DNAH10: variants seen among roughly 807,000 people sequenced by gnomAD.
DNAH10 encodes axonemal beta dynein heavy chain 10.
In DNAH10, 348 loss-of-function variants were observed where a neutral mutation model predicts 506.6. That is an observed-to-expected ratio of 0.69 (90% CI 0.63 to 0.75). The LOEUF is 0.75. Among genes scored for constraint, DNAH10 ranks in the 30% least tolerant of loss-of-function variants. The pLI, the probability that DNAH10 is intolerant of heterozygous loss-of-function variation, is 0.00. For synonymous variants in DNAH10, 2,059 were observed against 2,198.6 expected (o/e 0.94, Z 1.78); for missense variants, 5,179 against 5,787.1 (o/e 0.89, Z 3.41).
intron 11 of DNAH10, among the ~76,000 whole-genome samples, chr12:123,793,497 C>T (rs943813864): frequency 6.6e-6 from 1 of 152,090 alleles, no homozygotes; most frequent in South Asian, 2.1e-4. Context: ...CACCACCATG[C>T]CCGGCTAATT....
intron 5 of DNAH10, among the ~76,000 whole-genome samples, chr12:123,776,440 A>T (rs1593986495): frequency 6.6e-6 from 1 of 152,064 alleles, no homozygotes; most frequent in African/African-American, 2.4e-5. Flanking sequence ...AAAAAAATTT[A>T]AAAAAGAATG....
At chr12:123,877,600 G>T (rs1952312009) in intron 47 of DNAH10, 136 bp from the exon 48 acceptor site, 5 of 1,223,308 alleles carry the variant, frequency 4.1e-6, no homozygotes, top group Non-Finnish European at 5.5e-6. Context: ...ACAGGCATGA[G>T]CCACCGTGAC....
intron 37 of DNAH10, among the ~76,000 whole-genome samples, chr12:123,858,666 G>A (rs114587518): frequency 9.2e-5 from 14 of 152,320 alleles, no homozygotes; most frequent in African/African-American, 3.4e-4. Flanking sequence ...TAGCCAAAAA[G>A]TGGGAACAAC....
Position 123,796,827 on chromosome 12 carries a change from C to A in DNAH10, c.2158C>A (p.Gln720Lys), listed in dbSNP as rs768334760. The A allele has an allele frequency of 2.5e-6, 4 of 1,602,924 alleles. No homozygotes were observed. Among genetic ancestry groups the A allele is most frequent in the East Asian group, 4.5e-5 (2 of 44,776 alleles). Residue 720 changes from glutamine (Q) to lysine (K), a missense_variant, in exon 13 of 79, where the codon CAG becomes AAG. Around this residue, in one of 3 missense-constraint regions of DNAH10, gnomAD observed 4,844 missense variants for 5,430.5 expected, o/e 0.89. Transcript: ENST00000673944. ...VQEILDSDRG[Q>K]EVKQKYLEVG... Reference sequence around the variant, plus strand: ...AGAGATACTGGACAGTGATCGAGGACAGGAGGTATGTTGCTCTTGCTAGAA... The same window carrying A: ...AGAGATACTGGACAGTGATCGAGGAAAGGAGGTATGTTGCTCTTGCTAGAA...
rs757900300 is a variant in DNAH10 at position 123,787,949 on chromosome 12, G to C, written c.1567G>C (p.Glu523Gln). The C allele has an allele frequency of 6.3e-7, 1 of 1,596,336 alleles. No individual in the cohort carries two copies. The highest frequency in any genetic ancestry group is 8.5e-7 in the Non-Finnish European group (1 of 1,171,536). Residue 523 changes from glutamate (E) to glutamine (Q), a missense_variant, in exon 10 of 79, where the codon GAG becomes CAG. Glu to Gln is a conservative substitution (Grantham distance 29). Around this residue, in one of 3 missense-constraint regions of DNAH10, gnomAD observed 4,844 missense variants for 5,430.5 expected, o/e 0.89. Coordinates refer to ENST00000673944, the MANE Select transcript of DNAH10 (RefSeq NM_001372106.1). This position sits in a 1 kb window ranked among gnomAD's most constrained non-coding sequence, Gnocchi z 4.6. ...RWEFDRKRLF[E>Q]RTDYMATICQ... ...GGAGTTTGACCGGAAGCGGCTGTTC[G>C]AGAGGACGGATTATATGGCCACCAT... is the stretch of plus-strand genomic sequence containing the variant.
chr12:123,900,685 C>T (rs561758304), intron 56 of DNAH10, among the ~76,000 whole-genome samples: 25 of 152,166 alleles, frequency 1.6e-4, no homozygotes, highest in Non-Finnish European at 2.9e-4. Flanking sequence ...AAAGTGGAAA[C>T]GCATTGATTC....
Position 123,924,355 on chromosome 12 carries a change from C to A in DNAH10, c.11689C>A (p.Leu3897Ile). Reference sequence around the variant, plus strand: ...TGACCAAGGATGGGAAGATATCATTCTTTTATCAGAAATGTTTTCAGACAA... The same window carrying A: ...TGACCAAGGATGGGAAGATATCATTATTTTATCAGAAATGTTTTCAGACAA... ...LSDQGWEDII[L>I]LSEMFSDNFG... Residue 3897 changes from leucine to isoleucine, a missense_variant, in exon 67 of 79, where the codon CTT becomes ATT. By Grantham distance (5) the Leu-to-Ile change is conservative. Transcript: ENST00000673944. 6.2e-7 allele frequency: 1 copy of A among 1,613,690 alleles called. No individual in the cohort carries two copies. Among genetic ancestry groups the A allele is most frequent in the Non-Finnish European group, 8.5e-7 (1 of 1,179,736 alleles).
At chr12:123,767,188 A>G (rs1427068143) in intron 1 of DNAH10, among the ~76,000 whole-genome samples, 1 of 152,154 alleles carries the variant, frequency 6.6e-6, no homozygotes, top group Non-Finnish European at 1.5e-5. Context: ...GATTACAGGC[A>G]TGAGCCACTG....
intron 30 of DNAH10, among the ~76,000 whole-genome samples, chr12:123,842,298 C>T (rs1168780081): frequency 6.6e-6 from 1 of 152,220 alleles, no homozygotes; most frequent in Non-Finnish European, 1.5e-5. Flanking sequence ...AAAATATTTA[C>T]TGAATTTCCA....
At chr12:123,782,411 C>CTTTTTTTTTTTTTTTTT (rs935250437) in intron 6 of DNAH10, among the ~76,000 whole-genome samples, 1 of 86,048 alleles carries the variant, frequency 1.2e-5, no homozygotes. Flanking sequence ...TTCTTTCTTT[C>CTTTTTTTTTTTTTTTTT]TTTTTTTTTT....
intron 51 of DNAH10, among the ~76,000 whole-genome samples, chr12:123,882,789 C>CAAAAAA (rs59295124): frequency 4.8e-5 from 3 of 62,254 alleles, no homozygotes; most frequent in African/African-American, 7.1e-5. Context: ...AAGACTCTGT[C>CAAAAAA]AAAAAAAAAA....
chr12:123,833,843 G>T (rs1208952449), intron 27 of DNAH10, among the ~76,000 whole-genome samples: 1 of 151,572 alleles, frequency 6.6e-6, no homozygotes, highest in Non-Finnish European at 1.5e-5. Context: ...ATCTGTTTTT[G>T]CAGCCTCTTT....
At position 123,804,656 on chromosome 12, in the gene DNAH10, G is replaced by A. The variant is rs563575555; in HGVS notation, c.2780-177G>A. On this transcript the variant is annotated intron_variant, in intron 17 of 78. Coordinates refer to ENST00000673944, the MANE Select transcript of DNAH10 (RefSeq NM_001372106.1). Reference sequence around the variant, plus strand: ...AAAAGCCACTAGATGTGCGTAACTGGTTGTCATTTATTTGTTGCTTAGTGT... The same window carrying A: ...AAAAGCCACTAGATGTGCGTAACTGATTGTCATTTATTTGTTGCTTAGTGT... 1.1e-4 allele frequency among the ~76,000 whole-genome samples: 17 copies of A among 152,262 alleles called. No individual in the cohort carries two copies. In the South Asian group the frequency reaches 3.5e-3, roughly 32 times the overall value.
At chr12:123,776,280 G>A (rs905253204) in intron 5 of DNAH10, among the ~76,000 whole-genome samples, 5 of 152,106 alleles carry the variant, frequency 3.3e-5, no homozygotes, top group Admixed American at 1.3e-4. Context: ...GCTAATGACC[G>A]GGATCTGGAG....
chr12:123,873,116 T>C (rs1013050944), intron 45 of DNAH10, among the ~76,000 whole-genome samples: 1 of 152,206 alleles, frequency 6.6e-6, no homozygotes, highest in Non-Finnish European at 1.5e-5. Context: ...TGATTTATGT[T>C]TGAATATTGT....
At position 123,841,371 on chromosome 12, in the gene DNAH10, A is replaced by G; in HGVS notation, c.5186A>G (p.Glu1729Gly). ...AGGTTTAATGACGGCGATAGTGGAG[A>G]AAAACTGGTGTCCGCGATGATTTCA... ...SLRFNDGDSG[E>G]KLVSAMISAE... The change falls in exon 30 of 79, where the codon GAA becomes GGA. Residue 1729 changes from glutamate (E) to glycine (G), a missense_variant. Physicochemically the swap from Glu to Gly is moderately conservative, Grantham distance 98 (BLOSUM62 -2). Coordinates refer to ENST00000673944, the MANE Select transcript of DNAH10 (RefSeq NM_001372106.1). 2 of 1,614,010 alleles carry G rather than the reference A, an allele frequency of 1.2e-6. No individual in the cohort carries two copies. Among genetic ancestry groups the G allele is most frequent in the Non-Finnish European group, 8.5e-7 (1 of 1,179,894 alleles).
At chr12:123,800,163 C>T in intron 14 of DNAH10, 53 bp from the exon 15 acceptor site, 1 of 1,570,242 alleles carries the variant, frequency 6.4e-7, no homozygotes, top group South Asian at 1.2e-5. Flanking sequence ...TTGTGTTGAT[C>T]CAACTGTCTC....
Position 123,767,647 on chromosome 12 carries a change from G to T in DNAH10, c.256G>T (p.Glu86Ter). 8 of 1,613,068 alleles carry T rather than the reference G, an allele frequency of 5.0e-6. No individual in the cohort carries two copies. Among genetic ancestry groups the T allele is most frequent in the Non-Finnish European group, 6.8e-6 (8 of 1,179,488 alleles). ...VLSEEGEEEE[E>*]TYSQKVESVD... ...GTCTGAAGAGGGAGAAGAGGAAGAA[G>T]AGACTTATTCTCAAAAAGTGGAGTC... Residue 86 changes from glutamate (E) to a stop codon, truncating the protein, a stop_gained, in exon 2 of 79, where the codon GAG becomes TAG. Coordinates refer to ENST00000673944, the MANE Select transcript of DNAH10 (RefSeq NM_001372106.1). LOFTEE classifies it high-confidence loss of function.
intron 16 of DNAH10, among the ~76,000 whole-genome samples, 191 bp downstream of exon 16, chr12:123,801,623 A>G (rs1211606342): frequency 6.6e-6 from 1 of 152,202 alleles, no homozygotes; most frequent in Admixed American, 6.5e-5. Flanking sequence ...AAGAGGGGTG[A>G]TATTTTCACA....
Sources: allele counts gnomAD v4.1 joint callset (sites outside exome capture counted in the v4.1 genomes callset), GRCh38; gene constraint gnomAD v4.1.1; regional missense constraint gnomAD v4.1.1; non-coding constraint Gnocchi (gnomAD v3.1); transcripts MANE v1.5; gene names NCBI Gene and HGNC (gene_info 2026-07-23, HGNC 2026-07-21).